The following SGCD variants were observed in gnomAD, a reference collection of about 807,000 sequenced individuals.
SGCD encodes the protein sarcoglycan delta.
In SGCD, 18 loss-of-function variants were observed where a neutral mutation model predicts 36.6. The ratio of observed to expected loss-of-function variants is 0.49; its 90% CI spans 0.34 to 0.73. The LOEUF is 0.73. SGCD is among the 30% of genes least tolerant of loss of function. The pLI is 0.01. For synonymous variants in SGCD, 133 were observed against 130.6 expected (o/e 1.02, Z -0.12); for missense variants, 387 against 346.7 (o/e 1.12, Z -0.92).
chr5:156,412,121 C>G (rs939963100), intron 3 of SGCD, among the ~76,000 whole-genome samples: 1 of 152,162 alleles, frequency 6.6e-6, no homozygotes, highest in Non-Finnish European at 1.5e-5. Context: ...TTTATGTTCA[C>G]TCTTTTAAAC....
intron 3 of SGCD, among the ~76,000 whole-genome samples, chr5:156,429,175 G>T (rs1308926552): frequency 1.3e-5 from 2 of 151,570 alleles, no homozygotes; most frequent in African/African-American, 2.4e-5. Flanking sequence ...ATAAATCTGG[G>T]AGCTTAAGTG....
At chr5:156,303,692 T>C (rs2127685980) in intron 3 of SGCD, among the ~76,000 whole-genome samples, 1 of 151,554 alleles carries the variant, frequency 6.6e-6, no homozygotes, top group East Asian at 2.0e-4. Flanking sequence ...CTACCAGGAC[T>C]GGTAGGATTC....
At chr5:156,243,370 G>C (rs748120992) in intron 3 of SGCD, among the ~76,000 whole-genome samples, 29 of 152,304 alleles carry the variant, frequency 1.9e-4, no homozygotes, top group Non-Finnish European at 3.4e-4. Context: ...ACAGTGATGG[G>C]AGATTGTTTA....
chr5:155,843,080 A>G, the SGCD span, among the ~76,000 whole-genome samples: 1 of 152,216 alleles, frequency 6.6e-6, no homozygotes, highest in Admixed American at 6.5e-5. Flanking sequence ...TCCACCCTCA[A>G]GAGCGGGTGC....
chr5:156,216,822 T>A (rs977638286), intron 3 of SGCD, among the ~76,000 whole-genome samples: 16 of 152,250 alleles, frequency 1.1e-4, no homozygotes, highest in African/African-American at 3.9e-4. Context: ...CTCACGCCTG[T>A]CATCCCAGCA....
At chr5:156,143,747 T>A (rs578240452) in intron 3 of SGCD, among the ~76,000 whole-genome samples, 57 of 152,248 alleles carry the variant, frequency 3.7e-4, no homozygotes, top group Non-Finnish European at 4.9e-4. Context: ...ATTTTTTTTT[T>A]AAATTATACT....
intron 7 of SGCD, among the ~76,000 whole-genome samples, chr5:156,653,467 A>T (rs281038): frequency 3.2e-5 from 4 of 124,012 alleles, no homozygotes; most frequent in Admixed American, 9.3e-5. Flanking sequence ...ACATAAAAAT[A>T]TTTTCTTACG....
the SGCD span, among the ~76,000 whole-genome samples, chr5:155,837,393 G>C: frequency 6.6e-6 from 1 of 152,108 alleles, no homozygotes; most frequent in African/African-American, 2.4e-5. Context: ...TCTGACCTCA[G>C]GTGATACACC....
chr5:155,844,051 A>T, the SGCD span, among the ~76,000 whole-genome samples: 1 of 152,332 alleles, frequency 6.6e-6, no homozygotes, highest in African/African-American at 2.4e-5. Context: ...ATCTTCCAGT[A>T]AAACTGATAC....
chr5:155,966,449 T>C (rs919486699), intron 1 of SGCD, among the ~76,000 whole-genome samples: 3 of 152,150 alleles, frequency 2.0e-5, no homozygotes, highest in African/African-American at 7.2e-5. Context: ...AATAAGACCA[T>C]GTGTGAGATA....
At chr5:156,013,538 T>C (rs1484017392) in intron 1 of SGCD, among the ~76,000 whole-genome samples, 1 of 152,166 alleles carries the variant, frequency 6.6e-6, no homozygotes, top group Non-Finnish European at 1.5e-5. Context: ...TTTTAAAATA[T>C]TGTCAGTTTA....
chr5:156,485,336 G>A (rs905264149), intron 3 of SGCD, among the ~76,000 whole-genome samples: 1 of 152,112 alleles, frequency 6.6e-6, no homozygotes, highest in Non-Finnish European at 1.5e-5. Context: ...CATTAATAAA[G>A]GTGGAAAAAG....
chr5:155,990,377 A>G (rs1338692682), intron 1 of SGCD, among the ~76,000 whole-genome samples: 1 of 152,192 alleles, frequency 6.6e-6, no homozygotes, highest in Non-Finnish European at 1.5e-5. Context: ...CAGTGCTTTT[A>G]TAAAGATTTA....
At chr5:155,949,864 A>G (rs1480750168) in intron 1 of SGCD, among the ~76,000 whole-genome samples, 3 of 152,274 alleles carry the variant, frequency 2.0e-5, no homozygotes, top group East Asian at 3.9e-4. Context: ...TAACCCATGT[A>G]TAATACCACC....
the SGCD span, among the ~76,000 whole-genome samples, chr5:155,738,449 T>A: frequency 1.3e-5 from 2 of 152,176 alleles, no homozygotes; most frequent in Non-Finnish European, 2.9e-5. Context: ...TAATGTACCT[T>A]GTTTGTTTAT....
chr5:156,015,384 A>G (rs1278769077), intron 1 of SGCD, among the ~76,000 whole-genome samples: 2 of 151,966 alleles, frequency 1.3e-5, no homozygotes, highest in African/African-American at 4.8e-5. Context: ...ATACATCTTC[A>G]TTATCTTTTG....
At chr5:156,269,481 A>C (rs59892075) in intron 3 of SGCD, among the ~76,000 whole-genome samples, 1 of 135,306 alleles carries the variant, frequency 7.4e-6, no homozygotes, top group South Asian at 2.4e-4. Flanking sequence ...AAAAAAAAAA[A>C]AAAAAAAAAA....
chr5:155,914,248 G>A (rs1315290447), intron 1 of SGCD, among the ~76,000 whole-genome samples: 2 of 152,172 alleles, frequency 1.3e-5, no homozygotes, highest in African/African-American at 4.8e-5. Flanking sequence ...TTGTGAATGT[G>A]TGTAACAAAT....
chr5:156,200,883 A>G (rs561891463), intron 3 of SGCD, among the ~76,000 whole-genome samples: 9 of 152,288 alleles, frequency 5.9e-5, no homozygotes, highest in African/African-American at 2.2e-4. Context: ...TGCAGTAGAG[A>G]CATACAGTGG....
Sources: gnomAD v4.1 joint callset for allele counts (sites outside exome capture counted in the v4.1 genomes callset) on GRCh38, gnomAD v4.1.1 for gene constraint, MANE v1.5 for transcripts, NCBI Gene and HGNC (gene_info 2026-07-23, HGNC 2026-07-21) for gene names.